NEXMIF: variants seen among roughly 807,000 people sequenced by gnomAD.
NEXMIF encodes neurite extension and migration factor, also known as XLMR protein related to neurite extension.
Under a neutral mutation model 62.1 loss-of-function variants are expected in NEXMIF, and 8 were observed. The ratio of observed to expected loss-of-function variants is 0.13; its 90% confidence interval spans 0.08 to 0.23. The LOEUF is 0.23. NEXMIF is among the 10% of genes least tolerant of loss of function. The pLI is 1.00. For synonymous variants in NEXMIF, 404 were observed against 416.6 expected (o/e 0.97, Z 0.37); for missense variants, 976 against 1,113.3 (o/e 0.88, Z 1.75).
intron 1 of NEXMIF, among the ~76,000 whole-genome samples, chrX:74,839,806 A>G (rs971846659): frequency 8.0e-5 from 9 of 112,210 alleles, no homozygotes; most frequent in African/African-American, 1.6e-4. Flanking sequence ...TCGTTATCCA[A>G]TCTGTCATTG....
chrX:74,764,223 A>G (rs915399368), intron 1 of NEXMIF, among the ~76,000 whole-genome samples: 12 of 111,965 alleles, frequency 1.1e-4, no homozygotes, highest in African/African-American at 3.2e-4. Flanking sequence ...CTATTGAGAT[A>G]ATCATGTTGT....
chrX:74,793,558 T>A (rs1340213991), intron 1 of NEXMIF, among the ~76,000 whole-genome samples: 1 of 111,586 alleles, frequency 9.0e-6, no homozygotes, highest in African/African-American at 3.3e-5. Flanking sequence ...CTGGAGAATA[T>A]CCTGCAGAGT....
chrX:74,795,974 T>C (rs1329197004), intron 1 of NEXMIF, among the ~76,000 whole-genome samples: 1 of 102,075 alleles, frequency 9.8e-6, no homozygotes, highest in Non-Finnish European at 2.0e-5. Context: ...AGTAAATGGA[T>C]GGTGGGTAGT....
Position 74,742,350 on chromosome X carries a change from G to A in NEXMIF, c.2207C>T (p.Ala736Val). The change falls in exon 3 of 4, where the codon GCT (alanine) becomes GTT (valine). Residue 736 changes from alanine to valine, a missense_variant. Coordinates refer to ENST00000055682, the MANE Select transcript of NEXMIF (RefSeq NM_001008537.3). The part of the protein sequence containing the change: ...ARLKSKKVKA[A>V]GQESKPIVQM... The stretch of plus-strand genomic sequence containing the variant: ...AACAATTGGCTTGCTTTCTTGCCCA[G>A]CAGCTTTGACTTTCTTAGATTTTAA... 2 of 1,210,901 alleles carry A rather than the reference G, an allele frequency of 1.7e-6. No individual in the cohort carries two copies. The highest frequency in any genetic ancestry group is 2.2e-6 in the Non-Finnish European group (2 of 894,760).
Position 74,740,409 on chromosome X carries a change from C to A in NEXMIF, c.4148G>T (p.Ser1383Ile), listed in dbSNP as rs1466114671. 4 of 1,209,456 alleles carry A rather than the reference C, an allele frequency of 3.3e-6. No individual in the cohort carries two copies. Among genetic ancestry groups the A allele is most frequent in the Non-Finnish European group, 4.5e-6 (4 of 895,048 alleles). ...ATTCTTAGTGGCTCCTTGGGACCCA[C>A]TGTTGATCTTTTTCTTAGACTCCTG... ...TPQESKKKINSGSQGATKNHR... is the reference protein window; with the variant it reads ...TPQESKKKINIGSQGATKNHR... Residue 1383 changes from serine (S) to isoleucine (I), a missense_variant, in exon 3 of 4, where the codon AGT becomes ATT. Transcript: ENST00000055682.
In NEXMIF at chrX:74,785,792, C is replaced by A. The variant is rs374087242; in HGVS notation, c.-47-40095G>T. Among the ~76,000 whole-genome samples, 16 of 112,100 alleles carry A rather than the reference C, an allele frequency of 1.4e-4. No individual in the cohort carries two copies. In the East Asian group the frequency reaches 3.1e-3, roughly 22 times the overall value. ...GTCTGACCTGGCCTTGCCAACATAA[C>A]CTTGCTGTGCTCCAAACGCCTAAAG... On this transcript the variant is annotated intron_variant, in intron 1 of 3. Coordinates refer to ENST00000055682, the MANE Select transcript of NEXMIF (RefSeq NM_001008537.3).
intron 1 of NEXMIF, among the ~76,000 whole-genome samples, chrX:74,830,321 G>T (rs1346179303): frequency 9.0e-6 from 1 of 111,640 alleles, no homozygotes. Context: ...TTTCTCCATT[G>T]TATGTTCTTG....
chrX:74,764,267 C>T lies in NEXMIF; in HGVS notation c.-47-18570G>A, dbSNP rs374193232. ...TTGGTTCTGTTTATATGCTGGATTA[C>T]GTTTATTGATTTGGATATGTTGAAC... On this transcript the variant is annotated intron_variant, in intron 1 of 3. Transcript: ENST00000055682. Among the ~76,000 whole-genome samples, 5 of 111,683 alleles carry T rather than the reference C, an allele frequency of 4.5e-5. No homozygotes were observed. The South Asian group carries it at 1.1e-3, about 25-fold the overall frequency.
chrX:74,878,440 G>T (rs1342926425), intron 1 of NEXMIF, among the ~76,000 whole-genome samples: 2 of 112,576 alleles, frequency 1.8e-5, no homozygotes, highest in African/African-American at 3.2e-5. Context: ...TGCTGTCTTT[G>T]TGTTTGTGTG....
At chrX:74,739,692 T>A (rs181368340) in intron 3 of NEXMIF, among the ~76,000 whole-genome samples, 194 bp from the exon 4 acceptor site, 1 of 109,975 alleles carries the variant, frequency 9.1e-6, no homozygotes, top group Non-Finnish European at 1.9e-5. Flanking sequence ...CTAATGCTCT[T>A]TTGTTTAAAT....
chrX:74,837,531 G>A (rs1031549422), intron 1 of NEXMIF, among the ~76,000 whole-genome samples: 1 of 112,079 alleles, frequency 8.9e-6, no homozygotes, highest in Non-Finnish European at 1.9e-5. Context: ...CCCTGCTTTT[G>A]TCACATTTTA....
At chrX:74,903,880 CGT>C (rs3222701) in intron 1 of NEXMIF, among the ~76,000 whole-genome samples, 30,983 of 93,777 alleles carry the variant, frequency 0.33, 4,830 homozygotes, top group Middle Eastern at 0.45. Context: ...CAATTCTAAT[CGT>C]GTGTGTGTGT....
At chrX:74,870,243 C>T (rs1308930393) in intron 1 of NEXMIF, among the ~76,000 whole-genome samples, 1 of 110,837 alleles carries the variant, frequency 9.0e-6, no homozygotes, top group Non-Finnish European at 1.9e-5. Context: ...CCTCAATAAA[C>T]GGTGCGGGGA....
chrX:74,913,473 A>T (rs1271578342), intron 1 of NEXMIF, among the ~76,000 whole-genome samples: 1 of 111,610 alleles, frequency 9.0e-6, no homozygotes, highest in Non-Finnish European at 1.9e-5. Flanking sequence ...AGAAGGCAGG[A>T]CAGAAACATT....
Position 74,857,970 on chromosome X carries a change from G to T in NEXMIF, c.-48+66913C>A, listed in dbSNP as rs189123417. Among the ~76,000 whole-genome samples the T allele has an allele frequency of 3.4e-3, 383 of 111,934 alleles. 2 individuals are homozygous for T. The highest frequency in any genetic ancestry group is 0.012 in the African/African-American group (366 of 30,772). ...GAAGAGTGGGAAGAAGAACTGTGTC[G>T]CCTGATTTGAGTGCCAGCTCAGCTG... On this transcript the variant is annotated intron_variant, in intron 1 of 3. Transcript: ENST00000055682.
At chrX:74,850,450 A>C (rs1205201827) in intron 1 of NEXMIF, among the ~76,000 whole-genome samples, 4 of 111,944 alleles carry the variant, frequency 3.6e-5, no homozygotes, top group African/African-American at 1.3e-4. Context: ...TTGCCAGCCT[A>C]TGTTGCCCTG....
chrX:74,776,596 G>A (rs6607484), intron 1 of NEXMIF, among the ~76,000 whole-genome samples: 15,068 of 108,215 alleles, frequency 0.14, 1,671 homozygotes, highest in East Asian at 0.91. Context: ...GCGTGGTGGC[G>A]GGCACCTGTA....
chrX:74,876,092 A>G (rs970692109), intron 1 of NEXMIF, among the ~76,000 whole-genome samples: 2 of 110,485 alleles, frequency 1.8e-5, no homozygotes, highest in African/African-American at 6.6e-5. Flanking sequence ...TAGGGTGTCA[A>G]TTTTGGATCT....
At chrX:74,824,485 G>A (rs1214338331) in intron 1 of NEXMIF, among the ~76,000 whole-genome samples, 1 of 111,900 alleles carries the variant, frequency 8.9e-6, no homozygotes, top group African/African-American at 3.2e-5. Flanking sequence ...TTGTGTATAT[G>A]TACCACATTT....
Sources: gnomAD v4.1 joint callset for allele counts (sites outside exome capture counted in the v4.1 genomes callset) on GRCh38, gnomAD v4.1.1 for gene constraint, MANE v1.5 for transcripts, NCBI Gene and HGNC (gene_info 2026-07-23, HGNC 2026-07-21) for gene names.